NTM: variants seen among roughly 807,000 people sequenced by gnomAD.
NTM encodes neurotrimin.
Under a neutral mutation model 42.1 loss-of-function variants are expected in NTM, and 13 were observed. That is an observed-to-expected ratio of 0.31 (90% CI 0.20 to 0.49). The LOEUF is 0.49. Ranked by LOEUF, NTM falls within the 20% of genes least tolerant of loss-of-function variation. The pLI, the probability that NTM is intolerant of heterozygous loss-of-function variation, is 0.99. For missense variants in NTM, 373 were observed against 452.8 expected (o/e 0.82, Z 1.60); for synonymous variants, 187 against 179.2 (o/e 1.04, Z -0.35).
intron 2 of NTM, among the ~76,000 whole-genome samples, chr11:132,016,099 G>A (rs2073353369): frequency 6.7e-6 from 1 of 149,956 alleles, no homozygotes; most frequent in Admixed American, 6.6e-5. Context: ...CTGTTGTTGA[G>A]AGTTTTTTTT....
intron 2 of NTM, among the ~76,000 whole-genome samples, chr11:131,922,452 C>T (rs539233992): frequency 5.9e-5 from 9 of 152,350 alleles, no homozygotes; most frequent in African/African-American, 1.7e-4. Flanking sequence ...CACTGGACCA[C>T]GGCCAGCTAC....
chr11:131,908,747 C>G (rs1400789637), intron 1 of NTM, among the ~76,000 whole-genome samples: 1 of 152,216 alleles, frequency 6.6e-6, no homozygotes, highest in Non-Finnish European at 1.5e-5. Flanking sequence ...TCATATTTAT[C>G]TTAACGTGGT....
At chr11:132,318,253 CACTAAGCCTCA>C (rs2095481149) in intron 7 of NTM, among the ~76,000 whole-genome samples, 1 of 152,170 alleles carries the variant, frequency 6.6e-6, no homozygotes, top group Non-Finnish European at 1.5e-5. Context: ...TTGGGTGACT[CACTAAGCCTCA>C]TTTAGACTCA....
intron 1 of NTM, among the ~76,000 whole-genome samples, chr11:131,760,264 TG>T (rs1353907797): frequency 6.6e-6 from 1 of 152,192 alleles, no homozygotes; most frequent in African/African-American, 2.4e-5. Context: ...ATATTGCGGT[TG>T]ATCATTGGGT....
chr11:131,529,956 AGTTT>A (rs2136657940), intron 1 of NTM, among the ~76,000 whole-genome samples: 1 of 151,982 alleles, frequency 6.6e-6, no homozygotes, highest in African/African-American at 2.4e-5. Context: ...ACTATTACAG[AGTTT>A]GTTTGAGGAG....
At chr11:131,652,560 C>A (rs1445792486) in intron 1 of NTM, among the ~76,000 whole-genome samples, 1 of 152,222 alleles carries the variant, frequency 6.6e-6, no homozygotes, top group Non-Finnish European at 1.5e-5. Flanking sequence ...CTGCTCAGCA[C>A]TGTTGTCAAA....
chr11:132,149,097 C>T (rs1447432548), intron 3 of NTM, among the ~76,000 whole-genome samples: 1 of 152,120 alleles, frequency 6.6e-6, no homozygotes, highest in Admixed American at 6.6e-5. Flanking sequence ...GTATTATCGA[C>T]ACTTTAATGA....
intron 1 of NTM, among the ~76,000 whole-genome samples, chr11:131,810,176 G>A (rs1185504932): frequency 6.6e-6 from 1 of 152,104 alleles, no homozygotes; most frequent in Non-Finnish European, 1.5e-5. Flanking sequence ...TCCCTCCTCT[G>A]CTTAAGGCTT....
At chr11:131,856,972 T>C (rs925631393) in intron 1 of NTM, among the ~76,000 whole-genome samples, 1 of 152,214 alleles carries the variant, frequency 6.6e-6, no homozygotes, top group Non-Finnish European at 1.5e-5. Flanking sequence ...TTTTTCTCCT[T>C]TGATAAAAAA....
At chr11:131,553,357 A>T (rs1019328719) in intron 1 of NTM, among the ~76,000 whole-genome samples, 23 of 152,212 alleles carry the variant, frequency 1.5e-4, no homozygotes, top group African/African-American at 4.8e-4. Context: ...AACACAGACC[A>T]ACTGCACTCT....
chr11:132,106,293 C>A (rs1321823419), intron 2 of NTM, among the ~76,000 whole-genome samples: 1 of 152,176 alleles, frequency 6.6e-6, no homozygotes, highest in Non-Finnish European at 1.5e-5. Context: ...CTTTCCTTTG[C>A]CTTTTGTATG....
rs778849760 is a variant in NTM at position 131,475,424 on chromosome 11, A to G, written c.82+104536A>G. Among the ~76,000 whole-genome samples, 25 of 152,284 alleles carry G rather than the reference A, an allele frequency of 1.6e-4. 1 individual carries two copies. The highest frequency in any genetic ancestry group is 3.1e-4 in the Non-Finnish European group (21 of 68,032). On this transcript the variant is annotated intron_variant, in intron 1 of 8. Coordinates refer to ENST00000683400, the MANE Select transcript of NTM (RefSeq NM_001352005.2). Reference sequence around the variant, plus strand: ...AGCTCCCACACATGAGAAGGGGGCCATGACAGGTACAGAGGGTGTACCTGT... The same window carrying G: ...AGCTCCCACACATGAGAAGGGGGCCGTGACAGGTACAGAGGGTGTACCTGT...
chr11:131,999,766 CT>C (rs1403457591), intron 2 of NTM, among the ~76,000 whole-genome samples: 1 of 152,298 alleles, frequency 6.6e-6, no homozygotes, highest in East Asian at 1.9e-4. Context: ...CTGTCTTGCT[CT>C]AGTTTTATAT....
chr11:131,647,893 G>T (rs113464269), intron 1 of NTM, among the ~76,000 whole-genome samples: 1,890 of 152,272 alleles, frequency 0.012, 52 homozygotes, highest in African/African-American at 0.043. Flanking sequence ...TACATGTGCA[G>T]GTTTGTTAAT....
intron 3 of NTM, among the ~76,000 whole-genome samples, chr11:132,197,122 C>A (rs3099807): frequency 1.3e-5 from 2 of 151,874 alleles, no homozygotes; most frequent in Admixed American, 6.6e-5. Flanking sequence ...ATGAAATAGA[C>A]CATGTCAGCA....
chr11:131,918,664 ATTC>A (rs1486590055), intron 2 of NTM, among the ~76,000 whole-genome samples: 1 of 152,030 alleles, frequency 6.6e-6, no homozygotes, highest in Non-Finnish European at 1.5e-5. Context: ...TGTCCCTTGT[ATTC>A]TTCATTGCCA....
intron 1 of NTM, among the ~76,000 whole-genome samples, chr11:131,705,963 G>A (rs2076550872): frequency 6.6e-6 from 1 of 151,974 alleles, no homozygotes; most frequent in Non-Finnish European, 1.5e-5. Flanking sequence ...TAACAAAATA[G>A]CCAGAACAAG....
chr11:131,470,707 A>T (rs1952354547), intron 1 of NTM, among the ~76,000 whole-genome samples: 1 of 152,180 alleles, frequency 6.6e-6, no homozygotes, highest in Non-Finnish European at 1.5e-5. Context: ...TCACAGGCAC[A>T]TGAGCAGGTC....
At chr11:132,211,044 A>G (rs2082749139) in intron 3 of NTM, among the ~76,000 whole-genome samples, 1 of 152,196 alleles carries the variant, frequency 6.6e-6, no homozygotes, top group South Asian at 2.1e-4. Flanking sequence ...ACATGGATGA[A>G]GAAGCAGCAG....
Sources: allele counts gnomAD v4.1 joint callset (sites outside exome capture counted in the v4.1 genomes callset), GRCh38; gene constraint gnomAD v4.1.1; transcripts MANE v1.5; gene names NCBI Gene and HGNC (gene_info 2026-07-23, HGNC 2026-07-21).